The following COL17A1 variants were observed in gnomAD, a reference collection of about 807,000 sequenced individuals.
The protein encoded by COL17A1 is collagen type XVII alpha 1 chain.
Under a neutral mutation model 218.4 loss-of-function variants are expected in COL17A1, and 181 were observed. The observed-to-expected ratio is 0.83, with a 90% CI of 0.73 to 0.94. The LOEUF (loss-of-function observed/expected upper bound fraction) is 0.94, where lower values mean the gene tolerates loss of function less well. COL17A1 is among the 40% of genes least tolerant of loss of function. The probability of loss-of-function intolerance (pLI) is 0.00; values close to 1 mark genes in which losing one functional copy is unlikely to be tolerated. For synonymous variants in COL17A1, 721 were observed against 731.0 expected, an observed-to-expected ratio of 0.99 and a Z score of 0.22; for missense variants, 1,924 against 1,945.9, an observed-to-expected ratio of 0.99 and a Z score of 0.21.
At chr10:104,050,931 A>ATGAGTATCCCTAGCTT in intron 25 of COL17A1, 30 bp from the exon 26 acceptor site, 1 of 1,614,086 alleles carries the variant, frequency 6.2e-7, no homozygotes, top group Non-Finnish European at 8.5e-7. Flanking sequence ...ATGCACACAG[A>ATGAGTATCCCTAGCTT]TGAGTATCCC....
At chr10:104,052,980 G>A (rs780889085) in intron 23 of COL17A1, 51 bp downstream of exon 23, 64 of 1,596,824 alleles carry the variant, frequency 4.0e-5, no homozygotes, top group Non-Finnish European at 5.2e-5. Flanking sequence ...TTGACAGAGA[G>A]AAGGAAGCAC....
Position 104,039,532 on chromosome 10 carries a change from A to C in COL17A1, c.2822-13T>G. 2 of 1,614,114 alleles carry C rather than the reference A, an allele frequency of 1.2e-6. No homozygotes were observed. Among genetic ancestry groups the C allele is most frequent in the Non-Finnish European group, 1.7e-6 (2 of 1,180,012 alleles). On this transcript the variant is annotated splice_polypyrimidine_tract_variant and intron_variant, in intron 42 of 55. Coordinates refer to ENST00000648076, the MANE Select transcript of COL17A1 (RefSeq NM_000494.4). The stretch of plus-strand genomic sequence containing the variant: ...AAAGAACTGGACCCTGGAAGCCAAC[A>C]ACACACACAGTGCAGTCAGCCAGGG...
At chr10:104,045,822 C>T (rs369573974) in intron 32 of COL17A1, 29 bp from the exon 33 acceptor site, 50 of 1,598,808 alleles carry the variant, frequency 3.1e-5, no homozygotes, top group Middle Eastern at 1.7e-4. Flanking sequence ...GTAGTCAGGA[C>T]GATGAAGGCC....
chr10:104,074,666 T>C (rs1279785399), intron 5 of COL17A1, among the ~76,000 whole-genome samples: 1 of 152,232 alleles, frequency 6.6e-6, no homozygotes, highest in Non-Finnish European at 1.5e-5. Flanking sequence ...TACAAATCCC[T>C]GGTCAGGCCC....
At chr10:104,066,070 T>A (rs1048271280) in intron 9 of COL17A1, among the ~76,000 whole-genome samples, 1 of 152,184 alleles carries the variant, frequency 6.6e-6, no homozygotes, top group African/African-American at 2.4e-5. Context: ...AGAAGTTTAG[T>A]CTAAGGTAAA....
intron 7 of COL17A1, 89 bp downstream of exon 7, chr10:104,073,121 T>G: frequency 8.2e-7 from 1 of 1,217,512 alleles, no homozygotes; most frequent in Non-Finnish European, 1.2e-6. Context: ...CTGTACTCCT[T>G]ACACTCCCTG....
chr10:104,085,398 G>A (rs1251933216), intron 1 of COL17A1, among the ~76,000 whole-genome samples: 2 of 152,166 alleles, frequency 1.3e-5, no homozygotes, highest in Non-Finnish European at 2.9e-5. Context: ...GGAATTATAA[G>A]CCCGTATCAT....
At chr10:104,037,875 A>G (rs2086316746) in intron 45 of COL17A1, 102 bp from the exon 46 acceptor site, 3 of 1,445,624 alleles carry the variant, frequency 2.1e-6, no homozygotes, top group Non-Finnish European at 2.8e-6. Flanking sequence ...GCCCCGCCCC[A>G]CACATGGGCC....
In COL17A1 at chr10:104,049,412, T is replaced by C. The variant is rs2086445583; in HGVS notation, c.2224A>G (p.Met742Val). Residue 742 changes from methionine (M) to valine (V), a missense_variant, in exon 29 of 56, where the codon ATG (methionine) becomes GTG (valine). Coordinates refer to ENST00000648076, the MANE Select transcript of COL17A1 (RefSeq NM_000494.4). ...AVGEPGAKGA[M>V]GPAGPDGHQG... Reference sequence around the variant, plus strand: ...TCCATTCCTTTGGAACACTTACCCATTGCTCCTTTAGCCCCGGGCTCACCA... The same window carrying C: ...TCCATTCCTTTGGAACACTTACCCACTGCTCCTTTAGCCCCGGGCTCACCA... The C allele has an allele frequency of 6.2e-7, 1 of 1,614,110 alleles. No individual in the cohort carries two copies. Among genetic ancestry groups the C allele is most frequent in the African/African-American group, 1.3e-5 (1 of 75,062 alleles).
intron 17 of COL17A1, among the ~76,000 whole-genome samples, chr10:104,056,573 C>T (rs550552935): frequency 0.034 from 3,808 of 110,460 alleles, 145 homozygotes; most frequent in African/African-American, 0.11. Flanking sequence ...CAGAACGAGA[C>T]GCCGTCTCAA....
chr10:104,033,800 C>T, intron 52 of COL17A1, 145 bp downstream of exon 52: 1 of 1,286,330 alleles, frequency 7.8e-7, no homozygotes, highest in African/African-American at 1.5e-5. Flanking sequence ...AGGCTGAGAG[C>T]TAGGCTGGGG....
At chr10:104,073,276 T>C (rs1589576570) in intron 6 of COL17A1, 31 bp from the exon 7 acceptor site, 2 of 1,606,430 alleles carry the variant, frequency 1.2e-6, no homozygotes, top group Middle Eastern at 1.7e-4. Flanking sequence ...TTTTTAGGCA[T>C]ATATAAGAGG....
chr10:104,040,307 A>G, intron 40 of COL17A1, 44 bp downstream of exon 40: 1 of 1,365,916 alleles, frequency 7.3e-7, no homozygotes, highest in East Asian at 2.3e-5. Flanking sequence ...AGGTAAACAG[A>G]GGACACATAC....
chr10:104,067,269 A>G (rs955291611), intron 9 of COL17A1, among the ~76,000 whole-genome samples: 2 of 151,536 alleles, frequency 1.3e-5, no homozygotes, highest in East Asian at 1.9e-4. Context: ...GAATGTCTCA[A>G]AAGCATTCGA....
In COL17A1 at chr10:104,039,493, G is replaced by A. The variant is rs1478885494; in HGVS notation, c.2848C>T (p.Gln950Ter). ...SGSSSFGLNLQGPPGPPGPQG... is the reference protein window; with the variant it reads ...SGSSSFGLNL ...GGGCCAGGTGGGCCTGGTGGTCCCTGAAGGTTGAGTCCGAAAGAACTGGAC... is the reference window on the plus strand; with the variant it reads ...GGGCCAGGTGGGCCTGGTGGTCCCTAAAGGTTGAGTCCGAAAGAACTGGAC... The change falls in exon 43 of 56, where the codon CAG becomes TAG. Residue 950 changes from glutamine (Q) to a stop codon, truncating the protein, a stop_gained. Transcript: ENST00000648076. LOFTEE classifies it high-confidence loss of function. 1.9e-6 allele frequency: 3 copies of A among 1,614,092 alleles called. No homozygotes were observed. The highest frequency in any genetic ancestry group is 2.5e-6 in the Non-Finnish European group (3 of 1,180,006).
rs778480296 is a variant in COL17A1, at chr10:104,036,518, C to G, written c.3392G>C (p.Ser1131Thr). The G allele has an allele frequency of 1.9e-5, 30 of 1,614,000 alleles. No homozygotes were observed. The highest frequency in any genetic ancestry group is 2.3e-5 in the Non-Finnish European group (27 of 1,179,948). The change falls in exon 48 of 56, where the codon AGT (serine) becomes ACT (threonine). Residue 1131 changes from serine to threonine, a missense_variant. Transcript: ENST00000648076. ...CGACATGTAGCTGAGAATGCGACTA[C>G]TCAGCTCTGCATAGTCCAAAGACAG... Reference protein sequence around the residue: ...SLLSLDYAELSSRILSYMSSS... With the variant: ...SLLSLDYAELTSRILSYMSSS...
intron 6 of COL17A1, among the ~76,000 whole-genome samples, chr10:104,073,686 T>C (rs1421250618): frequency 6.6e-6 from 1 of 152,202 alleles, no homozygotes; most frequent in African/African-American, 2.4e-5. Flanking sequence ...CTGGCATCAA[T>C]TCATATGCAC....
rs2086257072 is a variant in COL17A1, at chr10:104,034,649, G to A, written c.3738C>T (p.Phe1246=). 3 of 1,610,488 alleles carry A rather than the reference G, an allele frequency of 1.9e-6. No homozygotes were observed. The highest frequency in any genetic ancestry group is 2.5e-6 in the Non-Finnish European group (3 of 1,178,668). Residue 1246 remains phenylalanine, a synonymous_variant, in exon 51 of 56, where the codon TTC becomes TTT. Coordinates refer to ENST00000648076, the MANE Select transcript of COL17A1 (RefSeq NM_000494.4). ...TGAGGTAGCTGATCAGCTCGCTCCGGAAGCTGTCGCTGTTTTCAGCTGCAT... is the reference window on the plus strand; with the variant it reads ...TGAGGTAGCTGATCAGCTCGCTCCGAAAGCTGTCGCTGTTTTCAGCTGCAT... ...ATYAAENSDS[F]RSELISYLTS... is the part of the protein sequence containing the mutation.
chr10:104,039,270 G>A lies in COL17A1; in HGVS notation c.2897-149C>T, dbSNP rs558647368. 485 of 1,016,708 alleles carry A rather than the reference G, an allele frequency of 4.8e-4. 2 individuals carry two copies. Among genetic ancestry groups the A allele is most frequent in the Non-Finnish European group, 6.6e-4 (435 of 656,276 alleles). The allele number at this position is 1,016,708 out of a possible 1,614,324, so 63.0% of individuals were successfully genotyped here. A position where few individuals can be genotyped will look rare whatever the true frequency, so the allele number is the denominator to read the frequency against. On this transcript the variant is annotated intron_variant, in intron 43 of 55. Coordinates refer to ENST00000648076, the MANE Select transcript of COL17A1 (RefSeq NM_000494.4). ...TAATACCACAGCTCCCTTGTACAGAGGCTATATCACCATGTCCTTGTCCCT... is the reference window on the plus strand; with the variant it reads ...TAATACCACAGCTCCCTTGTACAGAAGCTATATCACCATGTCCTTGTCCCT...
Sources: allele counts gnomAD v4.1 joint callset (sites outside exome capture counted in the v4.1 genomes callset), GRCh38; gene constraint gnomAD v4.1.1; transcripts MANE v1.5; gene names NCBI Gene and HGNC (gene_info 2026-07-23, HGNC 2026-07-21).